SLFN12L: variants seen among roughly 807,000 people sequenced by gnomAD.
The protein encoded by SLFN12L is schlafen family member 12 like.
SLFN12L carries 34 observed loss-of-function variants against 34.8 expected under a neutral mutation model. The ratio of observed to expected loss-of-function variants is 0.98; its 90% CI spans 0.74 to 1.30. SLFN12L has a LOEUF of 1.30. Among genes scored for constraint, SLFN12L ranks in the 50% most tolerant of loss-of-function variants. SLFN12L has a pLI of 0.00. For missense variants in SLFN12L, 703 were observed against 696.2 expected (o/e 1.01, Z -0.11); for synonymous variants, 259 against 247.5 (o/e 1.05, Z -0.44).
chr17:35,494,508 A>AGGCCCT (rs1914966896), intron 2 of SLFN12L, among the ~76,000 whole-genome samples: 1 of 152,258 alleles, frequency 6.6e-6, no homozygotes, highest in African/African-American at 2.4e-5. Context: ...GATACTCTTT[A>AGGCCCT]CTTTCACTCC....
At chr17:35,537,226 C>T (rs1360039014) in intron 1 of SLFN12L, among the ~76,000 whole-genome samples, 1 of 152,092 alleles carries the variant, frequency 6.6e-6, no homozygotes, top group African/African-American at 2.4e-5. Flanking sequence ...CCCAAGTCTC[C>T]TCACTTGTCT....
chr17:35,506,957 C>A (rs1474810810), intron 2 of SLFN12L, among the ~76,000 whole-genome samples: 2 of 152,184 alleles, frequency 1.3e-5, no homozygotes, highest in Non-Finnish European at 2.9e-5. Context: ...ACAAAAACAG[C>A]CACCTGGTGG....
At chr17:35,494,632 G>C (rs1464737288) in intron 2 of SLFN12L, among the ~76,000 whole-genome samples, 3 of 152,116 alleles carry the variant, frequency 2.0e-5, no homozygotes, top group Non-Finnish European at 4.4e-5. Flanking sequence ...CACACAAATA[G>C]ACCAGCAGAC....
chr17:35,479,096 T>C, intron 3 of SLFN12L, 21 bp downstream of exon 3: 1 of 1,519,458 alleles, frequency 6.6e-7, no homozygotes, highest in Non-Finnish European at 8.9e-7. Context: ...GTATCCTTAT[T>C]GCCAATCCTC....
intron 2 of SLFN12L, chr17:35,515,183 C>T (rs1044535609): frequency 4.9e-6 from 3 of 607,068 alleles, no homozygotes; most frequent in Non-Finnish European, 6.4e-6. Flanking sequence ...CCGTTCCGAC[C>T]CAGCCTCTTC....
chr17:35,509,335 T>C (rs1218167457), intron 2 of SLFN12L, among the ~76,000 whole-genome samples: 1 of 152,232 alleles, frequency 6.6e-6, no homozygotes, highest in Admixed American at 6.5e-5. Flanking sequence ...TTTAAATACT[T>C]CTGGCTTTCC....
At chr17:35,504,191 T>C (rs1363077134) in intron 2 of SLFN12L, among the ~76,000 whole-genome samples, 1 of 152,166 alleles carries the variant, frequency 6.6e-6, no homozygotes, top group Admixed American at 6.5e-5. Context: ...CTCCTGACTC[T>C]CCTCAGACTG....
At position 35,486,363 on chromosome 17, in the gene SLFN12L, A is replaced by G. The variant is rs184501357; in HGVS notation, c.87-6168T>C. On this transcript the variant is annotated intron_variant, in intron 2 of 4. Transcript: ENST00000628453. ...CTTTTGGCTCACCCACCATACACAG[A>G]AGGTGACAGAAATCACATCTCACCC... 4.6e-5 allele frequency among the ~76,000 whole-genome samples: 7 copies of G among 152,276 alleles called. No individual in the cohort carries two copies. The East Asian group carries it at 9.7e-4, about 21-fold the overall frequency.
intron 1 of SLFN12L, among the ~76,000 whole-genome samples, chr17:35,523,195 G>A (rs1042353414): frequency 1.1e-4 from 17 of 152,256 alleles, no homozygotes; most frequent in Middle Eastern, 6.8e-3. Flanking sequence ...ACCTCTCTGA[G>A]ACTTTGCTCT....
chr17:35,512,144 G>C (rs1597869382), intron 2 of SLFN12L, among the ~76,000 whole-genome samples: 1 of 136,674 alleles, frequency 7.3e-6, no homozygotes, highest in Non-Finnish European at 1.6e-5. Flanking sequence ...ATTTAAAAAA[G>C]AGCTGATTTT....
chr17:35,485,010 T>C (rs1914521707), intron 2 of SLFN12L, among the ~76,000 whole-genome samples: 1 of 152,228 alleles, frequency 6.6e-6, no homozygotes, highest in African/African-American at 2.4e-5. Flanking sequence ...TTATTTGATT[T>C]GTTGGCATAC....
At position 35,522,389 on chromosome 17, in the gene SLFN12L, T is replaced by C. The variant is rs570058952; in HGVS notation, c.-25A>G. The stretch of plus-strand genomic sequence containing the variant: ...TGATCTTCATGGCCATGATGGTCTT[T>C]CCTAAGCCAGGTAAGCCATGGACAA... On this transcript the variant is annotated 5_prime_UTR_variant, in exon 2 of 5. Transcript: ENST00000628453. 1.2e-4 allele frequency: 200 copies of C among 1,614,216 alleles called. 1 individual carries two copies. Among genetic ancestry groups the C allele is most frequent in the East Asian group, 2.2e-4 (10 of 44,886 alleles).
chr17:35,531,181 A>G (rs893880699), intron 1 of SLFN12L, among the ~76,000 whole-genome samples: 13 of 152,248 alleles, frequency 8.5e-5, no homozygotes, highest in Admixed American at 7.8e-4. Context: ...TAACAAGATT[A>G]AAAGTTTTGT....
At chr17:35,516,248 G>T (rs1284266459) in intron 2 of SLFN12L, among the ~76,000 whole-genome samples, 1 of 152,098 alleles carries the variant, frequency 6.6e-6, no homozygotes, top group Non-Finnish European at 1.5e-5. Context: ...AAAAAGGTTG[G>T]GGTCCCTACT....
Position 35,522,674 on chromosome 17 carries a change from C to A in SLFN12L, c.-310G>T. The A allele has an allele frequency of 1.9e-6, 3 of 1,614,106 alleles. No individual in the cohort carries two copies. Among genetic ancestry groups the A allele is most frequent in the Non-Finnish European group, 2.5e-6 (3 of 1,179,998 alleles). Reference sequence around the variant, plus strand: ...CTCAGGCAGAGGACCTTGGCCCTGACACACACCTCCCCAGTGTAGCCCCCC... The same window carrying A: ...CTCAGGCAGAGGACCTTGGCCCTGAAACACACCTCCCCAGTGTAGCCCCCC... On this transcript the variant is annotated 5_prime_UTR_variant, in exon 2 of 5. Transcript: ENST00000628453.
chr17:35,530,040 A>G (rs1313725795), intron 1 of SLFN12L, among the ~76,000 whole-genome samples: 1 of 151,342 alleles, frequency 6.6e-6, no homozygotes, highest in Admixed American at 6.6e-5. Flanking sequence ...TACTCTTCCG[A>G]CTAACATTAT....
At position 35,468,630 on chromosome 17, in the gene SLFN12L, C is replaced by T. The variant is rs1913753109; in HGVS notation, c.*6293G>A. On this transcript the variant is annotated 3_prime_UTR_variant, in exon 5 of 5. Coordinates refer to ENST00000628453, the MANE Select transcript of SLFN12L (RefSeq NM_001363830.2). ...TGTGCTGTCTGCTTAGCCTATCATC[C>T]TGGCATACTCCTTGCTCTCTGCCAA... 6.6e-6 allele frequency among the ~76,000 whole-genome samples: 1 copy of T among 152,188 alleles called. No homozygotes were observed. Among genetic ancestry groups the T allele is most frequent in the African/African-American group, 2.4e-5 (1 of 41,432 alleles).
chr17:35,470,515 G>A lies in SLFN12L; in HGVS notation c.*4408C>T, dbSNP rs12953115. On this transcript the variant is annotated 3_prime_UTR_variant, in exon 5 of 5. Transcript: ENST00000628453. ...CACAGTTCACACAGTGGTGGCTTCA[G>A]GGTGCCAGCCAGGAGGAGTTCTGGT... is the stretch of plus-strand genomic sequence containing the variant. 0.13 allele frequency: 19,510 copies of A among 152,230 alleles called. 1,391 individuals carry two copies. Among genetic ancestry groups the A allele is most frequent in the South Asian group, 0.25 (1,204 of 4,818 alleles). 9.4% of individuals were successfully genotyped at this position (152,230 alleles called of 1,614,324 possible). A position where few individuals can be genotyped will look rare whatever the true frequency, so the allele number is the denominator to read the frequency against.
intron 2 of SLFN12L, among the ~76,000 whole-genome samples, chr17:35,493,306 G>C (rs1275449797): frequency 6.6e-6 from 1 of 152,140 alleles, no homozygotes; most frequent in African/African-American, 2.4e-5. Context: ...GGTTTTTCCT[G>C]TATGGGAAAC....
Sources: allele counts gnomAD v4.1 joint callset (sites outside exome capture counted in the v4.1 genomes callset), GRCh38; gene constraint gnomAD v4.1.1; transcripts MANE v1.5; gene names NCBI Gene and HGNC (gene_info 2026-07-23, HGNC 2026-07-21).